Variants in GRM8 observed in about 807,000 individuals in gnomAD.
The protein encoded by GRM8 is metabotropic glutamate receptor 8.
GRM8 carries 47 observed loss-of-function variants against 87.2 expected under a neutral mutation model. That is an observed-to-expected ratio of 0.54 (90% confidence interval 0.43 to 0.69). GRM8 has a LOEUF of 0.69. Among genes scored for constraint, GRM8 ranks in the 30% least tolerant of loss-of-function variants. The pLI, the probability that GRM8 is intolerant of heterozygous loss-of-function variation, is 0.00. For missense variants in GRM8, 1,019 were observed against 1,139.2 expected (o/e 0.89, Z 1.52); for synonymous variants, 396 against 404.5 (o/e 0.98, Z 0.25).
chr7:126,879,622 A>G (rs1221151243), intron 6 of GRM8, among the ~76,000 whole-genome samples: 1 of 149,228 alleles, frequency 6.7e-6, no homozygotes, highest in Non-Finnish European at 1.5e-5. Context: ...GTACATCACC[A>G]CATACATTAT....
intron 3 of GRM8, among the ~76,000 whole-genome samples, chr7:126,934,292 CA>C (rs1406710927): frequency 1.3e-5 from 2 of 152,118 alleles, no homozygotes; most frequent in Non-Finnish European, 2.9e-5. Context: ...TATTTAGCCC[CA>C]CTCTAAATCA....
chr7:126,598,614 T>C (rs1457242838), intron 8 of GRM8, among the ~76,000 whole-genome samples: 1 of 151,954 alleles, frequency 6.6e-6, no homozygotes, highest in Non-Finnish European at 1.5e-5. Context: ...GAATTAAGGC[T>C]GGAACAAAGT....
At chr7:126,736,791 TA>T (rs1814280743) in intron 7 of GRM8, among the ~76,000 whole-genome samples, 1 of 152,094 alleles carries the variant, frequency 6.6e-6, no homozygotes, top group Non-Finnish European at 1.5e-5. Flanking sequence ...GGCATCACAG[TA>T]ATACTGTTGA....
At chr7:126,871,131 G>T (rs1323548965) in intron 6 of GRM8, among the ~76,000 whole-genome samples, 5 of 152,130 alleles carry the variant, frequency 3.3e-5, no homozygotes, top group Admixed American at 3.3e-4. Context: ...ATGGAATTGT[G>T]AGACCATCTC....
chr7:127,239,670 A>G (rs1002386105), intron 2 of GRM8, among the ~76,000 whole-genome samples: 1 of 152,242 alleles, frequency 6.6e-6, no homozygotes, highest in Admixed American at 6.5e-5. Flanking sequence ...CCATCCTAGC[A>G]TATATGTATA....
intron 2 of GRM8, among the ~76,000 whole-genome samples, chr7:127,142,825 T>A (rs1353323883): frequency 6.6e-6 from 1 of 152,110 alleles, no homozygotes; most frequent in East Asian, 1.9e-4. Context: ...TTGGATACAT[T>A]AGCGACAACA....
rs17869539 is a variant in GRM8, at chr7:126,996,505, G to C, written c.728-91822C>G. Among the ~76,000 whole-genome samples the C allele has an allele frequency of 3.4e-4, 51 of 151,882 alleles. 1 individual carries two copies. In the East Asian group the frequency reaches 9.9e-3, roughly 29 times the overall value. ...CTCTGTAATCAAAAAGCATAGAATG[G>C]CTGAATGAATTTTTAAAAAAAGACC... On this transcript the variant is annotated intron_variant, in intron 3 of 10. Transcript: ENST00000339582.
intron 3 of GRM8, among the ~76,000 whole-genome samples, chr7:126,949,908 C>T (rs1218547468): frequency 6.6e-6 from 1 of 152,146 alleles, no homozygotes; most frequent in African/African-American, 2.4e-5. Flanking sequence ...GAAAATGCCT[C>T]CTTTAAAACT....
chr7:126,983,170 C>T (rs765145319), intron 3 of GRM8, among the ~76,000 whole-genome samples: 6 of 152,052 alleles, frequency 3.9e-5, no homozygotes, highest in Non-Finnish European at 7.4e-5. Context: ...TGGTGTTCCT[C>T]CCTCTGGAAC....
intron 6 of GRM8, among the ~76,000 whole-genome samples, chr7:126,792,337 G>T (rs985421013): frequency 1.3e-5 from 2 of 152,258 alleles, no homozygotes; most frequent in African/African-American, 4.8e-5. Context: ...AGCAATGTGT[G>T]GTCTCTGTAC....
chr7:126,553,485 T>C (rs1792808354), intron 8 of GRM8, among the ~76,000 whole-genome samples: 1 of 152,198 alleles, frequency 6.6e-6, no homozygotes, highest in Non-Finnish European at 1.5e-5. Flanking sequence ...TCCAAAACAA[T>C]ATTTTGTTTG....
intron 6 of GRM8, among the ~76,000 whole-genome samples, chr7:126,834,777 T>A (rs1488573198): frequency 6.6e-6 from 1 of 152,112 alleles, no homozygotes; most frequent in Non-Finnish European, 1.5e-5. Context: ...CGATTATTGT[T>A]TATAAGCTTA....
At chr7:126,493,329 A>G (rs1301765944) in intron 9 of GRM8, among the ~76,000 whole-genome samples, 1 of 152,048 alleles carries the variant, frequency 6.6e-6, no homozygotes, top group Non-Finnish European at 1.5e-5. Flanking sequence ...ACATGTGGTG[A>G]GAGAGGGCAG....
intron 7 of GRM8, among the ~76,000 whole-genome samples, chr7:126,717,472 T>A (rs1177461858): frequency 6.6e-6 from 1 of 152,048 alleles, no homozygotes; most frequent in Non-Finnish European, 1.5e-5. Flanking sequence ...CTCAAACATG[T>A]TTGGGACATA....
At chr7:126,869,084 G>T (rs188819039) in intron 6 of GRM8, 1 of 152,294 alleles carries the variant, frequency 6.6e-6, no homozygotes, top group Non-Finnish European at 1.5e-5. Flanking sequence ...TCTCAACAAT[G>T]TTCATAGCAT....
At chr7:127,023,885 A>G (rs1453925585) in intron 3 of GRM8, among the ~76,000 whole-genome samples, 1 of 152,098 alleles carries the variant, frequency 6.6e-6, no homozygotes, top group African/African-American at 2.4e-5. Flanking sequence ...TAAATATTAA[A>G]AGCCATACCA....
At chr7:126,940,477 A>C (rs1806798940) in intron 3 of GRM8, among the ~76,000 whole-genome samples, 1 of 152,124 alleles carries the variant, frequency 6.6e-6, no homozygotes, top group East Asian at 1.9e-4. Context: ...CACTCACTGG[A>C]ATGGTTAAAA....
At chr7:126,811,254 C>T (rs1197015160) in intron 6 of GRM8, among the ~76,000 whole-genome samples, 2 of 151,720 alleles carry the variant, frequency 1.3e-5, no homozygotes, top group Non-Finnish European at 2.9e-5. Flanking sequence ...GGTACCATGC[C>T]GTTTTGGTTA....
intron 2 of GRM8, among the ~76,000 whole-genome samples, chr7:127,166,601 C>G (rs987391549): frequency 6.6e-6 from 1 of 152,058 alleles, no homozygotes; most frequent in Non-Finnish European, 1.5e-5. Context: ...GGACTGAACA[C>G]AAAGCTCTTT....
Sources: allele counts gnomAD v4.1 joint callset (sites outside exome capture counted in the v4.1 genomes callset), GRCh38; gene constraint gnomAD v4.1.1; transcripts MANE v1.5; gene names NCBI Gene and HGNC (gene_info 2026-07-23, HGNC 2026-07-21).